The following NLRP2 variants were observed in gnomAD, a reference collection of about 807,000 sequenced individuals.
NLRP2 encodes the protein NACHT, LRR and PYD domains-containing protein 2.
NLRP2 carries 107 observed loss-of-function variants against 97.2 expected under a neutral mutation model. The observed-to-expected ratio is 1.10, with a 90% CI of 0.94 to 1.29. The LOEUF (loss-of-function observed/expected upper bound fraction) is 1.29. Among genes scored for constraint, NLRP2 ranks in the 50% most tolerant of loss-of-function variants. The probability of loss-of-function intolerance (pLI) is 0.00; values close to 1 mark genes in which losing one functional copy is unlikely to be tolerated. For synonymous variants in NLRP2, 663 were observed against 551.5 expected, an observed-to-expected ratio of 1.20 and a Z score of -2.83; for missense variants, 1,495 against 1,330.3, an observed-to-expected ratio of 1.12 and a Z score of -1.93.
chr19:54,975,618 ATTT>A (rs1204596651), intron 3 of NLRP2, among the ~76,000 whole-genome samples: 1 of 150,412 alleles, frequency 6.6e-6, no homozygotes, highest in Non-Finnish European at 1.5e-5. Context: ...CGCCTGGCTA[ATTT>A]TTTTGTGTTT....
chr19:54,982,003 C>G (rs1380211490), intron 5 of NLRP2, among the ~76,000 whole-genome samples, 159 bp from the exon 6 acceptor site: 1 of 152,090 alleles, frequency 6.6e-6, no homozygotes, highest in East Asian at 1.9e-4. Flanking sequence ...GTGTTGAACT[C>G]CCAATGTCAG....
chr19:54,992,515 G>A (rs1221586046), intron 10 of NLRP2, among the ~76,000 whole-genome samples: 2 of 132,238 alleles, frequency 1.5e-5, no homozygotes, highest in Admixed American at 7.9e-5. Flanking sequence ...TGTGTGTGGT[G>A]TGTGGTGTGT....
rs1319598810 is a variant in NLRP2 at position 54,982,248 on chromosome 19, G to A, written c.550G>A (p.Val184Ile). Residue 184 changes from valine to isoleucine, a missense_variant, in exon 6 of 13, where the codon GTT (valine) becomes ATT (isoleucine). By Grantham distance (29) the Val-to-Ile change is conservative. Coordinates refer to ENST00000448584, the MANE Select transcript of NLRP2 (RefSeq NM_017852.5). ...GCCTGGAGATAGCAAAGAGGTCCAGGTTATGGCTGAGAGATACAAGATGCT... is the reference window on the plus strand; with the variant it reads ...GCCTGGAGATAGCAAAGAGGTCCAGATTATGGCTGAGAGATACAAGATGCT... ...SWPGDSKEVQ[V>I]MAERYKMLIP... 10 of 1,614,016 alleles carry A rather than the reference G, an allele frequency of 6.2e-6. No homozygotes were observed. Among genetic ancestry groups the A allele is most frequent in the African/African-American group, 1.3e-5 (1 of 74,918 alleles).
Position 54,995,400 on chromosome 19 carries a change from C to A in NLRP2, c.2879+961C>A, listed in dbSNP as rs112270310. Among the ~76,000 whole-genome samples the A allele has an allele frequency of 2.5e-3, 374 of 151,644 alleles. 6 individuals are homozygous for A. The highest frequency in any genetic ancestry group is 8.7e-3 in the African/African-American group (362 of 41,380). ...ATAGACGGGGTTTCTCCATGTTGGT[C>A]AGGCTGGTCTCGACCTCCGGACCTC... On this transcript the variant is annotated intron_variant, in intron 11 of 12. Transcript: ENST00000448584.
intron 10 of NLRP2, 182 bp downstream of exon 10, chr19:54,990,854 A>G (rs534680320): frequency 1.5e-6 from 1 of 671,570 alleles, no homozygotes; most frequent in East Asian, 2.7e-5. Flanking sequence ...GTAGTAGAGT[A>G]GTAGTAATAT....
At position 54,994,900 on chromosome 19, in the gene NLRP2, C is replaced by T. The variant is rs186894096; in HGVS notation, c.2879+461C>T. 4.9e-4 allele frequency among the ~76,000 whole-genome samples: 74 copies of T among 151,444 alleles called. No individual in the cohort carries two copies. The Middle Eastern group carries it at 0.01, about 21-fold the overall frequency. ...CTGGGATTACAGGCGTGAGCCACTG[C>T]GCCAGGCCCTATGTCTAAGTTCTAG... is the stretch of plus-strand genomic sequence containing the variant. On this transcript the variant is annotated intron_variant, in intron 11 of 12. Coordinates refer to ENST00000448584, the MANE Select transcript of NLRP2 (RefSeq NM_017852.5).
In NLRP2 at chr19:54,983,261, G is replaced by A; in HGVS notation, c.1563G>A (p.Glu521=). ...TGTTCTACACCCTGGAGAAGGAGGAGGAAGAGGATAGGGACGGCCACACCT... is the reference window on the plus strand; with the variant it reads ...TGTTCTACACCCTGGAGAAGGAGGAAGAAGAGGATAGGGACGGCCACACCT... ...TALFYTLEKE[E]EEDRDGHTWD... is the part of the protein sequence containing the mutation. The change falls in exon 6 of 13, where the codon GAG becomes GAA. Residue 521 remains glutamate (E), a synonymous_variant. Coordinates refer to ENST00000448584, the MANE Select transcript of NLRP2 (RefSeq NM_017852.5). The A allele has an allele frequency of 1.9e-6, 3 of 1,612,860 alleles. No individual in the cohort carries two copies. Among genetic ancestry groups the A allele is most frequent in the Non-Finnish European group, 2.5e-6 (3 of 1,179,016 alleles).
At chr19:54,994,679 T>C (rs2072708435) in intron 11 of NLRP2, among the ~76,000 whole-genome samples, 1 of 151,882 alleles carries the variant, frequency 6.6e-6, no homozygotes, top group African/African-American at 2.4e-5. Flanking sequence ...GGCGTGATCT[T>C]GGCTCACTGC....
intron 4 of NLRP2, among the ~76,000 whole-genome samples, chr19:54,978,714 G>A (rs564182353): frequency 2.0e-5 from 3 of 151,468 alleles, no homozygotes; most frequent in Admixed American, 6.6e-5. Context: ...GGGTGTGGTG[G>A]CACCCGCCTG....
At chr19:54,978,319 C>G (rs2071376317) in intron 4 of NLRP2, among the ~76,000 whole-genome samples, 1 of 151,416 alleles carries the variant, frequency 6.6e-6, no homozygotes, top group Non-Finnish European at 1.5e-5. Flanking sequence ...ACTGCAACCT[C>G]CGCCTCCCAG....
At chr19:54,980,681 G>T (rs1173837370) in intron 4 of NLRP2, among the ~76,000 whole-genome samples, 3 of 152,212 alleles carry the variant, frequency 2.0e-5, no homozygotes, top group African/African-American at 7.2e-5. Context: ...GTCAACAGGG[G>T]GTTTAACTTG....
At position 54,970,911 on chromosome 19, in the gene NLRP2, G is replaced by A. The variant is rs903745327; in HGVS notation, c.280+616G>A. Among the ~76,000 whole-genome samples, 62 of 142,064 alleles carry A rather than the reference G, an allele frequency of 4.4e-4. 1 individual carries two copies. The highest frequency in any genetic ancestry group is 1.1e-3 in the South Asian group (5 of 4,364). The allele number at this position is 142,064 out of a possible 152,430, so 93.2% of individuals were successfully genotyped here. ...ATGTATACATGTGCCATGCTGGTGC[G>A]CTGCACCCACTAACTCGTCATCTAG... On this transcript the variant is annotated intron_variant, in intron 2 of 12. Transcript: ENST00000448584.
rs766909706 is a variant in NLRP2, at chr19:54,983,246, C to T, written c.1548C>T (p.Thr516=). The change falls in exon 6 of 13, where the codon ACC becomes ACT. Residue 516 remains threonine (T), a synonymous_variant. Coordinates refer to ENST00000448584, the MANE Select transcript of NLRP2 (RefSeq NM_017852.5). ...FQQFLTALFY[T]LEKEEEEDRD... ...AGTTTCTCACTGCCCTGTTCTACAC[C>T]CTGGAGAAGGAGGAGGAAGAGGATA... 6.2e-7 allele frequency: 1 copy of T among 1,613,610 alleles called. No individual in the cohort carries two copies. Among genetic ancestry groups the T allele is most frequent in the Non-Finnish European group, 8.5e-7 (1 of 1,179,592 alleles).
intron 4 of NLRP2, 27 bp downstream of exon 4, chr19:54,977,850 A>G: frequency 1.2e-6 from 2 of 1,607,366 alleles, no homozygotes; most frequent in Non-Finnish European, 1.7e-6. Context: ...CCAATGTTGG[A>G]GTCAGCTGAG....
intron 12 of NLRP2, among the ~76,000 whole-genome samples, chr19:54,999,775 T>C (rs975198224): frequency 6.6e-6 from 1 of 152,172 alleles, no homozygotes; most frequent in Non-Finnish European, 1.5e-5. Context: ...CTCACTCTAT[T>C]GCTCAGGCTG....
At chr19:54,988,722 G>T (rs1017238602) in intron 8 of NLRP2, among the ~76,000 whole-genome samples, 1 of 152,146 alleles carries the variant, frequency 6.6e-6, no homozygotes, top group Non-Finnish European at 1.5e-5. Context: ...GTTTCATCAT[G>T]TTGTTCCGGC....
intron 10 of NLRP2, 42 bp from the exon 11 acceptor site, chr19:54,994,227 T>G (rs1445038463): frequency 6.2e-7 from 1 of 1,609,164 alleles, no homozygotes; most frequent in African/African-American, 1.3e-5. Context: ...CAGTGAGAAC[T>G]CACAGGTTCG....
At position 54,982,985 on chromosome 19, in the gene NLRP2, C is replaced by G; in HGVS notation, c.1287C>G (p.Phe429Leu). ...CCTGCCTCACCCGCACGGGGCTGTT[C>G]CTGCGTTTCCTCTGCAGCCGGTTCC... is the stretch of plus-strand genomic sequence containing the variant. Reference protein sequence around the residue: ...VPTCLTRTGLFLRFLCSRFPQ... With the variant: ...VPTCLTRTGLLLRFLCSRFPQ... The change falls in exon 6 of 13, where the codon TTC becomes TTG. Residue 429 changes from phenylalanine (F) to leucine (L), a missense_variant. Coordinates refer to ENST00000448584, the MANE Select transcript of NLRP2 (RefSeq NM_017852.5). 3 of 1,611,010 alleles carry G rather than the reference C, an allele frequency of 1.9e-6. No homozygotes were observed. Among genetic ancestry groups the G allele is most frequent in the East Asian group, 4.5e-5 (2 of 44,822 alleles).
At chr19:54,967,854 T>C (rs2070565922) in intron 1 of NLRP2, among the ~76,000 whole-genome samples, 1 of 152,026 alleles carries the variant, frequency 6.6e-6, no homozygotes, top group Non-Finnish European at 1.5e-5. Flanking sequence ...ATTCTCACGC[T>C]ATTCACAGCT....
Sources: gnomAD v4.1 joint callset for allele counts (sites outside exome capture counted in the v4.1 genomes callset) on GRCh38, gnomAD v4.1.1 for gene constraint, MANE v1.5 for transcripts, NCBI Gene and HGNC (gene_info 2026-07-23, HGNC 2026-07-21) for gene names.